Variants in MAPK8IP3 observed in about 807,000 individuals in gnomAD.
MAPK8IP3 encodes mitogen-activated protein kinase 8 interacting protein 3, also known as C-Jun-amino-terminal kinase-interacting protein 3.
MAPK8IP3 carries 49 observed loss-of-function variants against 157.8 expected under a neutral mutation model. That is an observed-to-expected ratio of 0.31 (90% confidence interval 0.25 to 0.39). The LOEUF (loss-of-function observed/expected upper bound fraction) is 0.39. MAPK8IP3 is among the 10% of genes least tolerant of loss of function. MAPK8IP3 has a pLI of 1.00. For synonymous variants in MAPK8IP3, 897 were observed against 777.7 expected, an observed-to-expected ratio of 1.15 and a Z score of -2.55; for missense variants, 1,478 against 1,889.4, an observed-to-expected ratio of 0.78 and a Z score of 4.04.
chr16:1,744,451 C>G, intron 5 of MAPK8IP3: 1 of 985,864 alleles, frequency 1.0e-6, no homozygotes, highest in Non-Finnish European at 1.2e-6. Flanking sequence ...TGCTGCTGCG[C>G]TGCTCTGGGA....
Position 1,729,164 on chromosome 16 carries a change from G to T in MAPK8IP3, c.466G>T (p.Glu156Ter). Residue 156 changes from glutamate (E) to a stop codon, truncating the protein, a stop_gained, in exon 3 of 32, where the codon GAG (glutamate) becomes TAG (stop). Transcript: ENST00000610761. LOFTEE classifies it high-confidence loss of function. ...TTCCCGGTTGGAGGAGCGGGAGTCG[G>T]AGATGAAGAAGGAGTACAATGCCCT... is the stretch of plus-strand genomic sequence containing the variant. ...QISRLEERES[E>*]MKKEYNALHQ... The T allele has an allele frequency of 6.2e-7, 1 of 1,614,110 alleles. No homozygotes were observed. Among genetic ancestry groups the T allele is most frequent in the South Asian group, 1.1e-5 (1 of 91,084 alleles).
chr16:1,712,549 T>C (rs2037859995), intron 1 of MAPK8IP3, among the ~76,000 whole-genome samples: 1 of 152,050 alleles, frequency 6.6e-6, no homozygotes, highest in Non-Finnish European at 1.5e-5. Flanking sequence ...AGCTGATTGC[T>C]CTCCTGGGGC....
chr16:1,762,497 A>T lies in MAPK8IP3; in HGVS notation c.1670+16A>T. ...AGATGATCAGGTGGGAGTTGCGGCCACCCCAGGAGGGGCTGCGGGATCATC... is the reference window on the plus strand; with the variant it reads ...AGATGATCAGGTGGGAGTTGCGGCCTCCCCAGGAGGGGCTGCGGGATCATC... On this transcript the variant is annotated intron_variant, in intron 14 of 31. Coordinates refer to ENST00000610761, the MANE Select transcript of MAPK8IP3 (RefSeq NM_001318852.2). The T allele has an allele frequency of 6.2e-7, 1 of 1,610,996 alleles. No individual in the cohort carries two copies. The highest frequency in any genetic ancestry group is 1.3e-5 in the African/African-American group (1 of 74,952).
At chr16:1,730,703 T>C (rs113173068) in intron 4 of MAPK8IP3, among the ~76,000 whole-genome samples, 12 of 151,782 alleles carry the variant, frequency 7.9e-5, no homozygotes, top group East Asian at 1.9e-4. Context: ...ATTAGCCGGG[T>C]GTGGTGGCGG....
chr16:1,755,536 C>T (rs565977480), intron 8 of MAPK8IP3, among the ~76,000 whole-genome samples: 35 of 151,952 alleles, frequency 2.3e-4, no homozygotes, highest in South Asian at 1.2e-3. Flanking sequence ...AAAATAAGAA[C>T]GTCAACAAAG....
At chr16:1,748,745 C>G (rs779012465) in intron 8 of MAPK8IP3, 25 bp downstream of exon 8, 8 of 1,568,222 alleles carry the variant, frequency 5.1e-6, no homozygotes, top group Non-Finnish European at 7.0e-6. Context: ...TCCCCCGCAC[C>G]GCTGTGCCTG....
chr16:1,736,168 G>T (rs539992346), intron 4 of MAPK8IP3, among the ~76,000 whole-genome samples: 1 of 114,368 alleles, frequency 8.7e-6, no homozygotes. Context: ...CCGTGTGAGC[G>T]TCCGTGTGAG....
Position 1,724,789 on chromosome 16 carries a change from G to A in MAPK8IP3, c.439+112G>A. On this transcript the variant is annotated intron_variant, in intron 2 of 31. Transcript: ENST00000610761. The surrounding 1 kb of genome is among the most constrained non-coding windows in gnomAD (Gnocchi z 4.1). ...ACACAAGGGGACGAGAGGAAGCCCAGTGGGAGCCTCAGCCATGTATTCCAG... is the reference window on the plus strand; with the variant it reads ...ACACAAGGGGACGAGAGGAAGCCCAATGGGAGCCTCAGCCATGTATTCCAG... 7.1e-7 allele frequency: 1 copy of A among 1,402,578 alleles called. No individual in the cohort carries two copies. The highest frequency in any genetic ancestry group is 2.4e-5 in the East Asian group (1 of 42,436). 86.9% of individuals were successfully genotyped at this position (1,402,578 alleles called of 1,614,324 possible).
Position 1,743,487 on chromosome 16 carries a change from C to T in MAPK8IP3, c.747+11C>T, listed in dbSNP as rs777889953. 7 of 1,607,666 alleles carry T rather than the reference C, an allele frequency of 4.4e-6. No individual in the cohort carries two copies. Among genetic ancestry groups the T allele is most frequent in the Admixed American group, 1.7e-5 (1 of 59,692 alleles). ...AGCTCCAGCTACCAGGTTTTGTAGC[C>T]GTGCCGTGGAGTGAGAGGCTCCTCC... On this transcript the variant is annotated intron_variant, in intron 5 of 31. Coordinates refer to ENST00000610761, the MANE Select transcript of MAPK8IP3 (RefSeq NM_001318852.2). This position sits in a 1 kb window ranked among gnomAD's most constrained non-coding sequence, Gnocchi z 5.6.
At chr16:1,732,170 G>A (rs1311521330) in intron 4 of MAPK8IP3, among the ~76,000 whole-genome samples, 5 of 152,202 alleles carry the variant, frequency 3.3e-5, no homozygotes, top group African/African-American at 9.7e-5. Context: ...CTCGTTCTGA[G>A]TCTCCAGCAG....
Position 1,764,023 on chromosome 16 carries a change from G to A in MAPK8IP3, c.2026-92G>A, listed in dbSNP as rs984701583. ...CCTCCAGTCTTGAAGTGGCTGTGCC[G>A]CCAGAAGCTGGCAGCCCTACCTGTC... On this transcript the variant is annotated intron_variant, in intron 17 of 31. Transcript: ENST00000610761. 1,596 of 1,313,070 alleles carry A rather than the reference G, an allele frequency of 1.2e-3. 5 individuals are homozygous for A. The highest frequency in any genetic ancestry group is 1.5e-3 in the Non-Finnish European group (1,475 of 969,766). The allele number at this position is 1,313,070 out of a possible 1,614,324, so 81.3% of individuals were successfully genotyped here.
chr16:1,768,167 G>A lies in MAPK8IP3; in HGVS notation c.3563-32G>A, dbSNP rs201471902. 323 of 1,611,876 alleles carry A rather than the reference G, an allele frequency of 2.0e-4. 1 individual carries two copies. The African/African-American group carries it at 3.3e-3, about 16-fold the overall frequency. ...CCTCTCCCACTCTCCACCTGTATGC[G>A]GGCTCAGCGCCTCTGGGTTCTCTCC... is the stretch of plus-strand genomic sequence containing the variant. On this transcript the variant is annotated intron_variant, in intron 29 of 31. Transcript: ENST00000610761.
In MAPK8IP3 at chr16:1,762,622, G is replaced by C. The variant is rs1330158635; in HGVS notation, c.1671-53G>C. On this transcript the variant is annotated intron_variant, in intron 14 of 31. Transcript: ENST00000610761. ...CCTGGCGGGAGCCAGAGAGTCGCAG[G>C]TAAGGGAGGCGTGAGGGCACTAGCA... The C allele has an allele frequency of 3.9e-6, 6 of 1,544,260 alleles. No homozygotes were observed. In the African/African-American group the frequency reaches 6.8e-5, roughly 18 times the overall value.
intron 19 of MAPK8IP3, 139 bp downstream of exon 19, chr16:1,764,598 C>T (rs1368850542): frequency 6.5e-5 from 78 of 1,203,216 alleles, no homozygotes; most frequent in Non-Finnish European, 8.2e-5. Context: ...TCCTAGACTG[C>T]GGGAAGCAGT....
At chr16:1,762,277 A>G in intron 13 of MAPK8IP3, 74 bp from the exon 14 acceptor site, 1 of 1,487,934 alleles carries the variant, frequency 6.7e-7, no homozygotes. Context: ...CTATACGTGT[A>G]GGCACCCCAG....
At chr16:1,754,644 C>CG (rs1354057462) in intron 8 of MAPK8IP3, among the ~76,000 whole-genome samples, 1 of 151,706 alleles carries the variant, frequency 6.6e-6, no homozygotes, top group Non-Finnish European at 1.5e-5. Context: ...TGGTGGCGGG[C>CG]CCTGTAGTCC....
intron 27 of MAPK8IP3, 24 bp from the exon 28 acceptor site, chr16:1,767,775 GCCAGCC>G: frequency 6.2e-7 from 1 of 1,611,474 alleles, no homozygotes; most frequent in Non-Finnish European, 8.5e-7. Flanking sequence ...GGTGCTCAAG[GCCAGCC>G]ACCCTGACCG....
chr16:1,741,746 G>A lies in MAPK8IP3; in HGVS notation c.603-1586G>A, dbSNP rs1320736425. ...GTGGCCAGGGAACCTCATGGCTGTT[G>A]TCACAACAGCTTGAGTGCCATGGAC... On this transcript the variant is annotated intron_variant, in intron 4 of 31. Transcript: ENST00000610761. This position sits in a 1 kb window ranked among gnomAD's most constrained non-coding sequence, Gnocchi z 6.9. Among the ~76,000 whole-genome samples the A allele has an allele frequency of 6.6e-6, 1 of 152,114 alleles. No individual in the cohort carries two copies. Among genetic ancestry groups the A allele is most frequent in the African/African-American group, 2.4e-5 (1 of 41,412 alleles).
chr16:1,709,738 G>C (rs937119218), intron 1 of MAPK8IP3, among the ~76,000 whole-genome samples: 1 of 152,240 alleles, frequency 6.6e-6, no homozygotes. Flanking sequence ...GAGGAGGGCC[G>C]GGCAGAGCCA....
Sources: gnomAD v4.1 joint callset for allele counts (sites outside exome capture counted in the v4.1 genomes callset) on GRCh38, gnomAD v4.1.1 for gene constraint, Gnocchi (gnomAD v3.1) non-coding constraint, MANE v1.5 for transcripts, NCBI Gene and HGNC (gene_info 2026-07-23, HGNC 2026-07-21) for gene names.